The following CADPS variants were observed in gnomAD, a reference collection of about 807,000 sequenced individuals.
CADPS encodes the protein calcium-dependent secretion activator 1.
Under a neutral mutation model 167.3 loss-of-function variants are expected in CADPS, and 57 were observed. That is an observed-to-expected ratio of 0.34 (90% CI 0.28 to 0.42). CADPS has a LOEUF of 0.42. Among genes scored for constraint, CADPS ranks in the 20% least tolerant of loss-of-function variants. The pLI, the probability that CADPS is intolerant of heterozygous loss-of-function variation, is 1.00. For missense variants in CADPS, 1,414 were observed against 1,738.1 expected, an observed-to-expected ratio of 0.81 and a Z score of 3.32; for synonymous variants, 676 against 635.3, an observed-to-expected ratio of 1.06 and a Z score of -0.96.
intron 3 of CADPS, among the ~76,000 whole-genome samples, chr3:62,679,564 C>T (rs990775445): frequency 1.3e-5 from 2 of 151,984 alleles, no homozygotes; most frequent in Non-Finnish European, 2.9e-5. Flanking sequence ...CATGAGAGCA[C>T]CAGCACTTAG....
intron 2 of CADPS, among the ~76,000 whole-genome samples, chr3:62,761,549 C>T (rs1020419948): frequency 6.6e-6 from 1 of 151,812 alleles, no homozygotes; most frequent in African/African-American, 2.4e-5. Context: ...CTTGCAAATA[C>T]CCCCATGTTC....
intron 6 of CADPS, among the ~76,000 whole-genome samples, chr3:62,605,270 G>A (rs983009152): frequency 4.6e-5 from 7 of 152,058 alleles, no homozygotes; most frequent in Non-Finnish European, 1.0e-4. Context: ...AAAACTGGGA[G>A]AGACAGAACA....
At chr3:62,840,469 A>T (rs2153039476) in intron 1 of CADPS, among the ~76,000 whole-genome samples, 1 of 152,304 alleles carries the variant, frequency 6.6e-6, no homozygotes, top group African/African-American at 2.4e-5. Context: ...CAATCATATA[A>T]ATGAAAACTT....
At chr3:62,732,335 G>T (rs958763577) in intron 3 of CADPS, among the ~76,000 whole-genome samples, 14 of 152,266 alleles carry the variant, frequency 9.2e-5, no homozygotes, top group African/African-American at 3.1e-4. Context: ...GTGTCACATG[G>T]CAAGGAAGTG....
chr3:62,836,316 G>A (rs557706432), intron 1 of CADPS, among the ~76,000 whole-genome samples: 4 of 152,254 alleles, frequency 2.6e-5, no homozygotes, highest in Admixed American at 2.6e-4. Context: ...AACCATTTCT[G>A]CCTTCCTTCT....
Position 62,874,470 on chromosome 3 carries a change from G to C in CADPS, c.441+119C>G, listed in dbSNP as rs1560045416. ...AGGGGGCCTCGTAGCCCTTTCCCCA[G>C]GGCGCGGTCTCCACCTCTCCTGCTC... On this transcript the variant is annotated intron_variant, in intron 1 of 29. Transcript: ENST00000383710. The surrounding 1 kb of genome is among the most constrained non-coding windows in gnomAD (Gnocchi z 7.1). The C allele has an allele frequency of 1.3e-6, 1 of 753,460 alleles. No individual in the cohort carries two copies. Among genetic ancestry groups the C allele is most frequent in the Non-Finnish European group, 2.1e-6 (1 of 467,636 alleles). The allele number at this position is 753,460 out of a possible 1,614,324, so 46.7% of individuals were successfully genotyped here. A position where few individuals can be genotyped will look rare whatever the true frequency, so the allele number is the denominator to read the frequency against.
At chr3:62,590,205 A>AC (rs1258734617) in intron 7 of CADPS, among the ~76,000 whole-genome samples, 1 of 150,902 alleles carries the variant, frequency 6.6e-6, no homozygotes, top group Non-Finnish European at 1.5e-5. Flanking sequence ...AAAAAAAAAA[A>AC]ATTCCAGGGC....
intron 1 of CADPS, among the ~76,000 whole-genome samples, chr3:62,866,627 G>A (rs1183351138): frequency 2.6e-5 from 4 of 152,056 alleles, no homozygotes; most frequent in Non-Finnish European, 5.9e-5. Flanking sequence ...ATGAACAAGA[G>A]TGAATCGCAT....
chr3:62,757,937 C>A (rs1405275866), intron 2 of CADPS, among the ~76,000 whole-genome samples: 1 of 152,170 alleles, frequency 6.6e-6, no homozygotes, highest in African/African-American at 2.4e-5. Flanking sequence ...ATCAAGAGAA[C>A]AGCATGGGAA....
chr3:62,786,469 C>T (rs2092440700), intron 1 of CADPS, among the ~76,000 whole-genome samples: 1 of 151,986 alleles, frequency 6.6e-6, no homozygotes, highest in Admixed American at 6.6e-5. Flanking sequence ...TAGCAAGACC[C>T]TATCTCTAAA....
intron 9 of CADPS, among the ~76,000 whole-genome samples, chr3:62,561,880 C>A (rs1028509862): frequency 1.3e-5 from 2 of 152,114 alleles, no homozygotes; most frequent in African/African-American, 4.8e-5. Flanking sequence ...AGCCCTTGTC[C>A]AAAATTCATA....
intron 6 of CADPS, among the ~76,000 whole-genome samples, chr3:62,613,767 G>A (rs758587552): frequency 5.3e-5 from 8 of 152,116 alleles, no homozygotes; most frequent in African/African-American, 9.7e-5. Flanking sequence ...TGATGAAATC[G>A]GGTAAAACCG....
chr3:62,555,320 C>G (rs1421512046), intron 10 of CADPS, among the ~76,000 whole-genome samples: 5 of 152,138 alleles, frequency 3.3e-5, no homozygotes, highest in Non-Finnish European at 5.9e-5. Flanking sequence ...TGCACAGTTA[C>G]TCCTTACACA....
chr3:62,673,997 C>T (rs889426094), intron 3 of CADPS, among the ~76,000 whole-genome samples: 3 of 152,082 alleles, frequency 2.0e-5, no homozygotes, highest in Admixed American at 6.5e-5. Flanking sequence ...TAAAAAATAC[C>T]TGCTCTTTAT....
At chr3:62,517,203 G>A (rs2069209190) in intron 14 of CADPS, among the ~76,000 whole-genome samples, 1 of 152,018 alleles carries the variant, frequency 6.6e-6, no homozygotes, top group African/African-American at 2.4e-5. Flanking sequence ...GGATTTTGAT[G>A]GCACAGAAAA....
intron 1 of CADPS, among the ~76,000 whole-genome samples, chr3:62,825,489 T>G (rs889913664): frequency 2.0e-5 from 3 of 152,076 alleles, no homozygotes; most frequent in East Asian, 1.9e-4. Context: ...GTAATTCCAA[T>G]GCATGCTCAA....
intron 6 of CADPS, among the ~76,000 whole-genome samples, chr3:62,596,806 T>C (rs928548497): frequency 3.3e-5 from 5 of 152,172 alleles, no homozygotes; most frequent in Non-Finnish European, 7.3e-5. Flanking sequence ...GACACTGCCC[T>C]TTCTACTACA....
In CADPS at chr3:62,474,319, T is replaced by C; in HGVS notation, c.3331A>G (p.Thr1111Ala). The change falls in exon 24 of 30, where the codon ACC (threonine) becomes GCC (alanine). Residue 1111 changes from threonine to alanine, a missense_variant and splice_region_variant. Thr to Ala is a moderately conservative substitution (Grantham distance 58, BLOSUM62 0). Transcript: ENST00000383710. Reference protein sequence around the residue: ...SDMIESCVKRTRIAFEVKLQK... With the variant: ...SDMIESCVKRARIAFEVKLQK... ...AGCTTAACTTCAAATGCAATCCTGG[T>C]TCTATTAAAACAAAGTAGGAAAAGA... is the stretch of plus-strand genomic sequence containing the variant. The C allele has an allele frequency of 6.2e-7, 1 of 1,613,456 alleles. No individual in the cohort carries two copies. Among genetic ancestry groups the C allele is most frequent in the Non-Finnish European group, 8.5e-7 (1 of 1,179,836 alleles).
intron 6 of CADPS, among the ~76,000 whole-genome samples, chr3:62,616,523 T>C (rs2062330163): frequency 6.6e-6 from 1 of 152,196 alleles, no homozygotes; most frequent in Non-Finnish European, 1.5e-5. Flanking sequence ...GATCTTACCA[T>C]GTGGAGTTAA....
Sources: gnomAD v4.1 joint callset for allele counts (sites outside exome capture counted in the v4.1 genomes callset) on GRCh38, gnomAD v4.1.1 for gene constraint, Gnocchi (gnomAD v3.1) non-coding constraint, MANE v1.5 for transcripts, NCBI Gene and HGNC (gene_info 2026-07-23, HGNC 2026-07-21) for gene names.